Variants in TRPM7 observed in about 807,000 individuals in gnomAD.
TRPM7 encodes the protein transient receptor potential cation channel subfamily M member 7, also known as LTRPC ion channel family member 7.
A neutral mutation model predicts 229.7 loss-of-function variants in TRPM7; 134 were observed. The ratio of observed to expected loss-of-function variants is 0.58; its 90% CI spans 0.51 to 0.67. TRPM7 has a LOEUF of 0.67. Among genes scored for constraint, TRPM7 ranks in the 30% least tolerant of loss-of-function variants. The pLI, the probability that TRPM7 is intolerant of heterozygous loss-of-function variation, is 0.00. For synonymous variants in TRPM7, 699 were observed against 715.2 expected (o/e 0.98, Z 0.36); for missense variants, 1,901 against 2,210.0 (o/e 0.86, Z 2.80).
At position 50,580,925 on chromosome 15, in the gene TRPM7, AC is replaced by A. The variant is rs760343277; in HGVS notation, c.4558-18del. 5.9e-5 allele frequency: 90 copies of A among 1,531,658 alleles called. No homozygotes were observed. Among genetic ancestry groups the A allele is most frequent in the Admixed American group, 2.3e-4 (11 of 47,866 alleles). The allele number at this position is 1,531,658 out of a possible 1,614,324, so 94.9% of individuals were successfully genotyped here. ...TAACCAATCCTTCAGTAAAAAAAAA[AC>A]ACACACACACAAAAACCTTAAAGAC... is the stretch of plus-strand genomic sequence containing the variant. On this transcript the variant is annotated intron_variant, in intron 29 of 38. Transcript: ENST00000646667.
At chr15:50,618,464 G>A (rs1215684696) in intron 13 of TRPM7, among the ~76,000 whole-genome samples, 1 of 151,880 alleles carries the variant, frequency 6.6e-6, no homozygotes, top group Non-Finnish European at 1.5e-5. Context: ...CAGCTACTTG[G>A]GAGGCTGAGG....
chr15:50,624,376 AGGATTT>A, intron 11 of TRPM7, 76 bp from the exon 12 acceptor site: 4 of 1,250,586 alleles, frequency 3.2e-6, no homozygotes, highest in Non-Finnish European at 3.2e-6. Flanking sequence ...TTAAGTCCTT[AGGATTT>A]ACATTTAATT....
chr15:50,617,907 C>T lies in TRPM7; in HGVS notation c.1494+1838G>A, dbSNP rs562155549. On this transcript the variant is annotated intron_variant, in intron 13 of 38. Transcript: ENST00000646667. ...CCCCTTCTCTCTGGCGATCCACTCA[C>T]CTCAGACTACCAAAGTGCTGGTATT... 3.9e-5 allele frequency among the ~76,000 whole-genome samples: 6 copies of T among 152,254 alleles called. No homozygotes were observed. The South Asian group carries it at 1.2e-3, about 32-fold the overall frequency.
At chr15:50,567,154 TTTTTTTA>T (rs1278987347) in intron 38 of TRPM7, among the ~76,000 whole-genome samples, 10 of 152,022 alleles carry the variant, frequency 6.6e-5, no homozygotes, top group African/African-American at 2.2e-4. Context: ...GCTTAGTTTA[TTTTTTTA>T]TTTTTTATTT....
At chr15:50,609,053 T>C (rs1435927150) in intron 19 of TRPM7, among the ~76,000 whole-genome samples, 3 of 152,152 alleles carry the variant, frequency 2.0e-5, no homozygotes, top group Admixed American at 2.0e-4. Context: ...GTAAAATCAA[T>C]TTTTCCATAA....
intron 21 of TRPM7, among the ~76,000 whole-genome samples, chr15:50,602,741 A>G (rs2059814420): frequency 1.3e-5 from 2 of 152,228 alleles, no homozygotes; most frequent in South Asian, 4.1e-4. Flanking sequence ...TGACGAAATA[A>G]TGAATGTTAG....
intron 38 of TRPM7, among the ~76,000 whole-genome samples, chr15:50,563,888 G>T (rs1015411256): frequency 2.0e-5 from 3 of 151,832 alleles, no homozygotes; most frequent in Non-Finnish European, 2.9e-5. Flanking sequence ...TTGAGACAAG[G>T]TCTTGTTGTT....
intron 36 of TRPM7, among the ~76,000 whole-genome samples, chr15:50,570,649 C>A: frequency 6.8e-6 from 1 of 146,230 alleles, no homozygotes; most frequent in Admixed American, 7.0e-5. Flanking sequence ...TCGAGACCAG[C>A]CTGACCAACA....
intron 2 of TRPM7, among the ~76,000 whole-genome samples, chr15:50,658,023 G>C (rs1347844743): frequency 3.7e-5 from 2 of 53,814 alleles, no homozygotes; most frequent in African/African-American, 6.9e-5. Flanking sequence ...TTTTTTTTTT[G>C]AGACAGAGTC....
intron 3 of TRPM7, among the ~76,000 whole-genome samples, chr15:50,655,122 A>G (rs1317254810): frequency 1.5e-5 from 2 of 130,824 alleles, no homozygotes; most frequent in Non-Finnish European, 3.3e-5. Flanking sequence ...CAGATAAAGA[A>G]AAAAAAGTTA....
At chr15:50,649,662 A>G (rs1234214348) in intron 3 of TRPM7, among the ~76,000 whole-genome samples, 1 of 152,172 alleles carries the variant, frequency 6.6e-6, no homozygotes, top group African/African-American at 2.4e-5. Context: ...ATGGTGTCTG[A>G]GGCTGGGGTA....
intron 26 of TRPM7, among the ~76,000 whole-genome samples, chr15:50,590,931 C>A (rs2059474387): frequency 6.6e-6 from 1 of 152,036 alleles, no homozygotes; most frequent in Non-Finnish European, 1.5e-5. Flanking sequence ...ATGTTTAGTG[C>A]CTAGATAACT....
At position 50,648,741 on chromosome 15, in the gene TRPM7, C is replaced by T. The variant is rs774450309; in HGVS notation, c.267G>A (p.Thr89=). 2.7e-5 allele frequency: 43 copies of T among 1,612,514 alleles called. No individual in the cohort carries two copies. Among genetic ancestry groups the T allele is most frequent in the South Asian group, 1.7e-4 (15 of 90,856 alleles). Residue 89 remains threonine, a synonymous_variant, in exon 4 of 39, where the codon ACG becomes ACA. Transcript: ENST00000646667. ...GAAAATTTATGACTCCATAAGCATC[C>T]GTTGGGCTCTGTTCTGTATGCTTTT... ...SVEKHTEQSP[T]DAYGVINFQG...
chr15:50,627,989 A>C (rs2060618402), intron 11 of TRPM7, among the ~76,000 whole-genome samples, 160 bp downstream of exon 11: 1 of 152,234 alleles, frequency 6.6e-6, no homozygotes, highest in African/African-American at 2.4e-5. Context: ...GCATACATTA[A>C]ATCCTAAACT....
chr15:50,561,539 C>T lies in TRPM7; in HGVS notation c.*139G>A. ...TTAATCAGGTCAAAAGAATATTGAC[C>T]TTTTAACTGTGCTGGAGTCAGCAAA... On this transcript the variant is annotated 3_prime_UTR_variant, in exon 39 of 39. Coordinates refer to ENST00000646667, the MANE Select transcript of TRPM7 (RefSeq NM_017672.6). 1 of 893,684 alleles carries T rather than the reference C, an allele frequency of 1.1e-6. No homozygotes were observed. Among genetic ancestry groups the T allele is most frequent in the Non-Finnish European group, 1.7e-6 (1 of 598,322 alleles). The allele number at this position is 893,684 out of a possible 1,614,324, so 55.4% of individuals were successfully genotyped here.
chr15:50,584,750 C>T (rs2054605357), intron 28 of TRPM7, among the ~76,000 whole-genome samples: 2 of 152,022 alleles, frequency 1.3e-5, no homozygotes, highest in South Asian at 4.2e-4. Context: ...GATTTAGGAG[C>T]ATTTTAGATT....
chr15:50,631,902 T>G (rs78205856), intron 9 of TRPM7, among the ~76,000 whole-genome samples: 14 of 152,304 alleles, frequency 9.2e-5, no homozygotes, highest in Non-Finnish European at 1.8e-4. Flanking sequence ...ATGTATATAT[T>G]CTTGAAAGAT....
chr15:50,674,178 G>T (rs2062047701), intron 1 of TRPM7, among the ~76,000 whole-genome samples: 1 of 152,120 alleles, frequency 6.6e-6, no homozygotes, highest in Non-Finnish European at 1.5e-5. Context: ...TAGTAGAGAT[G>T]GGGTTTCACC....
intron 21 of TRPM7, 115 bp from the exon 22 acceptor site, chr15:50,599,411 T>G (rs1321626284): frequency 1.6e-6 from 1 of 637,820 alleles, no homozygotes; most frequent in Non-Finnish European, 2.5e-6. Context: ...ACAAAAAATC[T>G]TTGAGATTCT....
Sources: gnomAD v4.1 joint callset for allele counts (sites outside exome capture counted in the v4.1 genomes callset) on GRCh38, gnomAD v4.1.1 for gene constraint, MANE v1.5 for transcripts, NCBI Gene and HGNC (gene_info 2026-07-23, HGNC 2026-07-21) for gene names.